The following DPP10 variants were observed in gnomAD, a reference collection of about 807,000 sequenced individuals.
The protein encoded by DPP10 is inactive dipeptidyl peptidase 10.
In DPP10, 33 loss-of-function variants were observed where a neutral mutation model predicts 120.9. That is an observed-to-expected ratio of 0.27 (90% CI 0.21 to 0.37). The LOEUF (loss-of-function observed/expected upper bound fraction) is 0.37, where lower values mean the gene tolerates loss of function less well. Ranked by LOEUF, DPP10 falls within the 10% of genes least tolerant of loss-of-function variation. DPP10 has a pLI of 1.00. For missense variants in DPP10, 816 were observed against 942.8 expected, an observed-to-expected ratio of 0.87 and a Z score of 1.76; for synonymous variants, 337 against 326.1, an observed-to-expected ratio of 1.03 and a Z score of -0.36.
At chr2:115,200,605 C>T (rs1417749375) in intron 1 of DPP10, among the ~76,000 whole-genome samples, 1 of 152,164 alleles carries the variant, frequency 6.6e-6, no homozygotes, top group African/African-American at 2.4e-5. Context: ...GAGAAGGTTA[C>T]AGAATACCTG....
intron 3 of DPP10, among the ~76,000 whole-genome samples, chr2:115,489,674 TAGC>T (rs2075996056): frequency 6.6e-6 from 1 of 151,446 alleles, no homozygotes; most frequent in Non-Finnish European, 1.5e-5. Context: ...TAACTACAGA[TAGC>T]AGACCCTGAA....
At chr2:115,036,953 A>G (rs924414625) in intron 1 of DPP10, among the ~76,000 whole-genome samples, 2 of 152,188 alleles carry the variant, frequency 1.3e-5, no homozygotes, top group Non-Finnish European at 2.9e-5. Flanking sequence ...AACTAGTGCC[A>G]GAGGAGGACC....
At chr2:114,985,602 G>A (rs1700346693) in intron 1 of DPP10, among the ~76,000 whole-genome samples, 1 of 152,180 alleles carries the variant, frequency 6.6e-6, no homozygotes, top group African/African-American at 2.4e-5. Flanking sequence ...GTCCACAAAT[G>A]AGCCAAGGAA....
chr2:115,637,148 T>C (rs951253859), intron 5 of DPP10, among the ~76,000 whole-genome samples: 1 of 151,832 alleles, frequency 6.6e-6, no homozygotes, highest in Non-Finnish European at 1.5e-5. Flanking sequence ...AATCCAGATG[T>C]GAAAGTAATG....
chr2:115,142,768 A>G (rs1381205407), intron 1 of DPP10, among the ~76,000 whole-genome samples: 1 of 152,152 alleles, frequency 6.6e-6, no homozygotes, highest in Admixed American at 6.5e-5. Context: ...AGAGACAGCT[A>G]CAGTGCCCTA....
chr2:114,788,549 G>C, intron 1 of DPP10, among the ~76,000 whole-genome samples: 1 of 151,836 alleles, frequency 6.6e-6, no homozygotes, highest in Non-Finnish European at 1.5e-5. Context: ...CCGAGTAGCT[G>C]GGACTACAGG....
chr2:115,174,001 G>C (rs1029649356), intron 1 of DPP10, among the ~76,000 whole-genome samples: 44 of 152,338 alleles, frequency 2.9e-4, no homozygotes, highest in African/African-American at 1.0e-3. Context: ...TGGATTGTCT[G>C]TGATGATGTC....
chr2:114,778,799 T>C (rs1000787106), intron 1 of DPP10, among the ~76,000 whole-genome samples: 3 of 152,116 alleles, frequency 2.0e-5, no homozygotes, highest in African/African-American at 7.2e-5. Flanking sequence ...TGATGGAAGA[T>C]AAAATGGATT....
At chr2:114,939,273 G>A (rs1356039344) in intron 1 of DPP10, among the ~76,000 whole-genome samples, 2 of 145,856 alleles carry the variant, frequency 1.4e-5, no homozygotes, top group Non-Finnish European at 3.1e-5. Flanking sequence ...GGTGTTGAAA[G>A]GGGGGGGTGG....
At chr2:114,687,729 A>G (rs1274372020) in intron 1 of DPP10, among the ~76,000 whole-genome samples, 1 of 152,106 alleles carries the variant, frequency 6.6e-6, no homozygotes, top group East Asian at 2.0e-4. Context: ...CCAAGAAAAG[A>G]TAATGAGAGC....
chr2:115,608,916 A>T (rs1032866781), intron 5 of DPP10, among the ~76,000 whole-genome samples: 1 of 152,150 alleles, frequency 6.6e-6, no homozygotes, highest in Non-Finnish European at 1.5e-5. Context: ...ACTTAGGCAT[A>T]TAATATAAAA....
chr2:114,735,310 A>G (rs1435879), intron 1 of DPP10, among the ~76,000 whole-genome samples: 18,139 of 152,198 alleles, frequency 0.12, 1,293 homozygotes, highest in East Asian at 0.29. Flanking sequence ...GTCTGATAAC[A>G]TTTCCAAGCT....
chr2:115,664,739 G>T (rs1310111118), intron 5 of DPP10, among the ~76,000 whole-genome samples: 3 of 152,132 alleles, frequency 2.0e-5, no homozygotes, highest in Non-Finnish European at 2.9e-5. Context: ...CAGGACCAAG[G>T]ATGTCAAAGT....
At chr2:115,541,654 G>A (rs1023415122) in intron 5 of DPP10, among the ~76,000 whole-genome samples, 24 of 151,792 alleles carry the variant, frequency 1.6e-4, no homozygotes, top group Non-Finnish European at 2.8e-4. Flanking sequence ...TAGCCATAAC[G>A]TTAACATGAT....
chr2:114,946,900 A>G (rs1408485734), intron 1 of DPP10, among the ~76,000 whole-genome samples: 1 of 152,080 alleles, frequency 6.6e-6, no homozygotes, highest in Admixed American at 6.6e-5. Flanking sequence ...TATTTTTCCA[A>G]CGAAGACATG....
At chr2:115,635,148 C>T (rs4849415) in intron 5 of DPP10, among the ~76,000 whole-genome samples, 4 of 150,386 alleles carry the variant, frequency 2.7e-5, no homozygotes, top group Admixed American at 2.0e-4. Context: ...ATGCAGCAGG[C>T]AGCCACAGTG....
chr2:114,873,039 A>G (rs1437897471), intron 1 of DPP10, among the ~76,000 whole-genome samples: 4 of 152,198 alleles, frequency 2.6e-5, no homozygotes, highest in Admixed American at 1.3e-4. Flanking sequence ...GGAGTTTTTC[A>G]AAAGAAATAA....
chr2:115,157,490 G>A (rs1294555323), intron 1 of DPP10, among the ~76,000 whole-genome samples: 2 of 152,094 alleles, frequency 1.3e-5, no homozygotes, highest in African/African-American at 4.8e-5. Flanking sequence ...AGAATGAATA[G>A]TATACATGAG....
At chr2:114,845,920 T>C (rs143400182) in intron 1 of DPP10, among the ~76,000 whole-genome samples, 1 of 152,228 alleles carries the variant, frequency 6.6e-6, no homozygotes, top group Non-Finnish European at 1.5e-5. Context: ...GAATAGACCA[T>C]AAGGAGCTTG....
Sources: allele counts gnomAD v4.1 joint callset (sites outside exome capture counted in the v4.1 genomes callset), GRCh38; gene constraint gnomAD v4.1.1; transcripts MANE v1.5; gene names NCBI Gene and HGNC (gene_info 2026-07-23, HGNC 2026-07-21).